The following HS3ST4 variants were observed in gnomAD, a reference collection of about 807,000 sequenced individuals.
HS3ST4 encodes heparan sulfate-glucosamine 3-sulfotransferase 4, also known as heparan sulfate glucosamine 3-O-sulfotransferase 4.
In HS3ST4, 17 loss-of-function variants were observed where a neutral mutation model predicts 29.2. That is an observed-to-expected ratio of 0.58 (90% confidence interval 0.40 to 0.87). The LOEUF (loss-of-function observed/expected upper bound fraction) is 0.87, where lower values mean the gene tolerates loss of function less well. Ranked by LOEUF, HS3ST4 falls within the 40% of genes least tolerant of loss-of-function variation. HS3ST4 has a pLI of 0.00. For missense variants in HS3ST4, 627 were observed against 634.5 expected (o/e 0.99, Z 0.13); for synonymous variants, 314 against 285.7 (o/e 1.10, Z -1.00).
chr16:25,703,298 G>A (rs140906016), intron 1 of HS3ST4, among the ~76,000 whole-genome samples: 20 of 152,282 alleles, frequency 1.3e-4, no homozygotes, highest in East Asian at 9.7e-4. Flanking sequence ...ATGGAGGTTC[G>A]AATCTGATGG....
At chr16:25,869,632 G>A (rs1399990825) in intron 1 of HS3ST4, among the ~76,000 whole-genome samples, 1 of 152,146 alleles carries the variant, frequency 6.6e-6, no homozygotes, top group African/African-American at 2.4e-5. Flanking sequence ...GCCACAGAGG[G>A]AGAGGCAGCA....
intron 1 of HS3ST4, among the ~76,000 whole-genome samples, chr16:25,811,317 A>G (rs977188023): frequency 1.3e-5 from 2 of 151,956 alleles, no homozygotes; most frequent in Admixed American, 6.6e-5. Flanking sequence ...CCTACTCAAC[A>G]TGAAGAAGAG....
intron 1 of HS3ST4, among the ~76,000 whole-genome samples, chr16:26,064,417 C>T (rs2141772686): frequency 6.6e-6 from 1 of 152,224 alleles, no homozygotes; most frequent in East Asian, 1.9e-4. Flanking sequence ...AGAGGGAAGA[C>T]TGAGCATCGT....
intron 1 of HS3ST4, among the ~76,000 whole-genome samples, chr16:26,071,803 A>G (rs1898606664): frequency 6.6e-6 from 1 of 152,090 alleles, no homozygotes; most frequent in Non-Finnish European, 1.5e-5. Flanking sequence ...TCAATTTTGT[A>G]ACCTAGGTGC....
chr16:25,787,805 T>C (rs1280733625), intron 1 of HS3ST4, among the ~76,000 whole-genome samples: 2 of 152,122 alleles, frequency 1.3e-5, no homozygotes, highest in Non-Finnish European at 2.9e-5. Flanking sequence ...GGTTAGAAAA[T>C]TCATATGATT....
intron 1 of HS3ST4, among the ~76,000 whole-genome samples, chr16:25,968,243 A>G (rs1228426541): frequency 6.6e-6 from 1 of 152,214 alleles, no homozygotes; most frequent in East Asian, 1.9e-4. Flanking sequence ...GCAGATGGAC[A>G]TCATGCCAGC....
At chr16:25,971,190 T>C (rs1385175912) in intron 1 of HS3ST4, among the ~76,000 whole-genome samples, 2 of 152,108 alleles carry the variant, frequency 1.3e-5, no homozygotes, top group African/African-American at 4.8e-5. Context: ...CTCTTTGAGG[T>C]GCTGGAGATA....
At chr16:25,843,994 C>A (rs1299508393) in intron 1 of HS3ST4, among the ~76,000 whole-genome samples, 2 of 152,138 alleles carry the variant, frequency 1.3e-5, no homozygotes, top group Non-Finnish European at 2.9e-5. Flanking sequence ...CCAGTGTAAA[C>A]TTTATGTTGT....
chr16:25,810,413 GA>G (rs777258198), intron 1 of HS3ST4, among the ~76,000 whole-genome samples: 4 of 152,052 alleles, frequency 2.6e-5, no homozygotes, highest in Non-Finnish European at 5.9e-5. Flanking sequence ...TATGGTGGTT[GA>G]AAAAATATAT....
At chr16:26,092,988 T>A (rs902713987) in intron 1 of HS3ST4, among the ~76,000 whole-genome samples, 2 of 152,138 alleles carry the variant, frequency 1.3e-5, no homozygotes, top group African/African-American at 4.8e-5. Context: ...TGCTCACTGC[T>A]AGCACAGCAG....
intron 1 of HS3ST4, among the ~76,000 whole-genome samples, chr16:26,115,134 A>G (rs1343205690): frequency 1.3e-5 from 2 of 152,040 alleles, no homozygotes; most frequent in Non-Finnish European, 2.9e-5. Context: ...GTATGATAAT[A>G]TTTGTGTCAA....
At chr16:26,063,578 T>C (rs184015781) in intron 1 of HS3ST4, among the ~76,000 whole-genome samples, 6 of 151,688 alleles carry the variant, frequency 4.0e-5, no homozygotes, top group Admixed American at 3.9e-4. Flanking sequence ...ACACCTATAG[T>C]CCTAGCTACT....
chr16:25,964,437 A>G (rs1026142849), intron 1 of HS3ST4, among the ~76,000 whole-genome samples: 1 of 152,180 alleles, frequency 6.6e-6, no homozygotes, highest in African/African-American at 2.4e-5. Flanking sequence ...CTCATCATGA[A>G]AGTGTACGTA....
chr16:25,971,959 G>A (rs1044338444), intron 1 of HS3ST4, among the ~76,000 whole-genome samples: 3 of 152,030 alleles, frequency 2.0e-5, no homozygotes, highest in Non-Finnish European at 2.9e-5. Flanking sequence ...AAAAAGAGTC[G>A]AGATTCTGGA....
At chr16:25,783,752 A>G (rs1249939531) in intron 1 of HS3ST4, among the ~76,000 whole-genome samples, 1 of 152,246 alleles carries the variant, frequency 6.6e-6, no homozygotes, top group African/African-American at 2.4e-5. Flanking sequence ...CACAGTCACG[A>G]TGCAACCATC....
chr16:25,853,692 A>C (rs1314203415), intron 1 of HS3ST4, among the ~76,000 whole-genome samples: 1 of 152,198 alleles, frequency 6.6e-6, no homozygotes, highest in East Asian at 1.9e-4. Context: ...ATTTGCATAC[A>C]TTGAACCATC....
chr16:26,054,454 G>A (rs1265074224), intron 1 of HS3ST4, among the ~76,000 whole-genome samples: 1 of 152,198 alleles, frequency 6.6e-6, no homozygotes, highest in Non-Finnish European at 1.5e-5. Flanking sequence ...CTAAACATCT[G>A]TTTCCCATGA....
chr16:25,803,240 A>G (rs1290410532), intron 1 of HS3ST4, among the ~76,000 whole-genome samples: 1 of 152,066 alleles, frequency 6.6e-6, no homozygotes, highest in Non-Finnish European at 1.5e-5. Flanking sequence ...TTCCTTCTCA[A>G]TATTTGTATG....
At chr16:26,029,893 A>G (rs1969516496) in intron 1 of HS3ST4, among the ~76,000 whole-genome samples, 1 of 152,176 alleles carries the variant, frequency 6.6e-6, no homozygotes, top group Non-Finnish European at 1.5e-5. Context: ...AGAAACCAGG[A>G]TATGTCCTTT....
Sources: gnomAD v4.1 joint callset for allele counts (sites outside exome capture counted in the v4.1 genomes callset) on GRCh38, gnomAD v4.1.1 for gene constraint, MANE v1.5 for transcripts, NCBI Gene and HGNC (gene_info 2026-07-23, HGNC 2026-07-21) for gene names.